ARVCF: variants seen among roughly 807,000 people sequenced by gnomAD.
ARVCF encodes the protein ARVCF delta catenin family member, also known as splicing regulator ARVCF.
A neutral mutation model predicts 90.9 loss-of-function variants in ARVCF; 66 were observed. That is an observed-to-expected ratio of 0.73 (90% confidence interval 0.60 to 0.89). The LOEUF is 0.89. Ranked by LOEUF, ARVCF falls within the 40% of genes least tolerant of loss-of-function variation. The probability of loss-of-function intolerance (pLI) is 0.00; values close to 1 mark genes in which losing one functional copy is unlikely to be tolerated. For missense variants in ARVCF, 1,469 were observed against 1,382.3 expected, an observed-to-expected ratio of 1.06 and a Z score of -1.00; for synonymous variants, 653 against 603.4, an observed-to-expected ratio of 1.08 and a Z score of -1.21.
intron 2 of ARVCF, 97 bp from the exon 3 acceptor site, chr22:19,990,909 C>A: frequency 2.5e-6 from 3 of 1,221,228 alleles, no homozygotes; most frequent in Non-Finnish European, 3.4e-6. Flanking sequence ...ATACAACTCA[C>A]TCCCAGACCA....
At chr22:20,012,767 G>A (rs1183696809) in intron 1 of ARVCF, among the ~76,000 whole-genome samples, 1 of 152,376 alleles carries the variant, frequency 6.6e-6, no homozygotes, top group East Asian at 1.9e-4. Flanking sequence ...GTTCTGGCAC[G>A]GTATCCATGG....
intron 3 of ARVCF, chr22:19,987,127 G>T (rs547166731): frequency 7.6e-4 from 391 of 512,270 alleles, no homozygotes; most frequent in African/African-American, 7.0e-3. Context: ...GGCCAGCAGC[G>T]GGGGAGGCGG....
intron 11 of ARVCF, among the ~76,000 whole-genome samples, chr22:19,975,129 C>T (rs1943077289): frequency 6.6e-6 from 1 of 152,230 alleles, no homozygotes; most frequent in Non-Finnish European, 1.5e-5. Flanking sequence ...GCCTGTAATA[C>T]TCCCCCACAG....
At position 19,973,322 on chromosome 22, in the gene ARVCF, G is replaced by C. The variant is rs1256230261; in HGVS notation, c.2240-5C>G. The C allele has an allele frequency of 6.3e-7, 1 of 1,591,116 alleles. No homozygotes were observed. The highest frequency in any genetic ancestry group is 1.1e-5 in the South Asian group (1 of 89,324). ...GCTCAGCCATGGCGTAGCTCCCTGA[G>C]GGGCAGGACTAGGTGTCAGAACACA... On this transcript the variant is annotated splice_region_variant and splice_polypyrimidine_tract_variant and intron_variant, in intron 13 of 19. Transcript: ENST00000263207.
chr22:19,972,248 A>T (rs754046547), intron 17 of ARVCF, 110 bp downstream of exon 17: 5 of 1,467,662 alleles, frequency 3.4e-6, no homozygotes, highest in South Asian at 1.2e-5. Flanking sequence ...CCTAAACCAA[A>T]TATCTCTCCT....
At chr22:19,979,450 AAGG>A in intron 6 of ARVCF, 1 of 548,168 alleles carries the variant, frequency 1.8e-6, no homozygotes, top group South Asian at 2.4e-5. Context: ...GGTGGGAACC[AAGG>A]AGGTGGGTCC....
At chr22:19,983,961 T>C (rs1008694976) in intron 3 of ARVCF, among the ~76,000 whole-genome samples, 3 of 152,226 alleles carry the variant, frequency 2.0e-5, no homozygotes, top group Non-Finnish European at 4.4e-5. Flanking sequence ...CCATCACTGC[T>C]GGGGCTGGGC....
chr22:19,990,234 T>C (rs563853068), intron 3 of ARVCF, among the ~76,000 whole-genome samples: 1 of 152,260 alleles, frequency 6.6e-6, no homozygotes, highest in East Asian at 1.9e-4. Flanking sequence ...CACCAGTGCA[T>C]GCAATGAACA....
At chr22:20,013,425 GT>G (rs960508769) in intron 1 of ARVCF, among the ~76,000 whole-genome samples, 9 of 152,112 alleles carry the variant, frequency 5.9e-5, no homozygotes, top group African/African-American at 2.2e-4. Flanking sequence ...CACCAAGCAT[GT>G]TGGGGGTACC....
downstream of ARVCF, among the ~76,000 whole-genome samples, chr22:19,966,012 G>A (rs1942371168): frequency 6.6e-6 from 1 of 152,240 alleles, no homozygotes; most frequent in South Asian, 2.1e-4. Context: ...CAGCAGCTGT[G>A]ATGTGGGTGC....
chr22:20,009,672 C>A (rs557057864), intron 2 of ARVCF, among the ~76,000 whole-genome samples: 1 of 152,342 alleles, frequency 6.6e-6, no homozygotes, highest in South Asian at 2.1e-4. Flanking sequence ...TGGATGTGAG[C>A]AGGGTATGCC....
chr22:20,015,488 T>C (rs757001630), intron 1 of ARVCF, among the ~76,000 whole-genome samples: 10 of 152,112 alleles, frequency 6.6e-5, no homozygotes, highest in South Asian at 2.1e-4. Flanking sequence ...CCAGCTCCAA[T>C]AGAGTGAGTA....
At chr22:20,009,749 G>A (rs1175271576) in intron 2 of ARVCF, among the ~76,000 whole-genome samples, 1 of 152,234 alleles carries the variant, frequency 6.6e-6, no homozygotes, top group Non-Finnish European at 1.5e-5. Context: ...ATGCTTCCCA[G>A]GCGCTATGCC....
At chr22:19,991,864 G>A (rs990569291) in intron 2 of ARVCF, among the ~76,000 whole-genome samples, 3 of 152,252 alleles carry the variant, frequency 2.0e-5, no homozygotes, top group Non-Finnish European at 2.9e-5. Flanking sequence ...GAGCATGGCC[G>A]GGTGCCCAGG....
At chr22:19,971,724 C>T (rs1047524559) in intron 18 of ARVCF, among the ~76,000 whole-genome samples, 162 bp downstream of exon 18, 5 of 152,182 alleles carry the variant, frequency 3.3e-5, no homozygotes, top group African/African-American at 9.7e-5. Context: ...TGTCAGTACC[C>T]ACAGACTGAC....
chr22:19,979,109 T>G, intron 6 of ARVCF, 29 bp from the exon 7 acceptor site: 1 of 1,597,846 alleles, frequency 6.3e-7, no homozygotes, highest in Non-Finnish European at 8.6e-7. Flanking sequence ...CAATCTGTGC[T>G]GACCATATGC....
intron 6 of ARVCF, chr22:19,979,369 T>G: frequency 1.9e-6 from 1 of 520,398 alleles, no homozygotes; most frequent in South Asian, 2.6e-5. Flanking sequence ...CCACAGGGCC[T>G]CACAGAGACA....
At chr22:19,993,706 G>A (rs903718254) in intron 2 of ARVCF, among the ~76,000 whole-genome samples, 4 of 152,232 alleles carry the variant, frequency 2.6e-5, no homozygotes, top group African/African-American at 7.2e-5. Context: ...TTACTTAGCC[G>A]CAAGGCAGGA....
chr22:19,989,055 T>C (rs527722919), intron 3 of ARVCF, among the ~76,000 whole-genome samples: 17 of 152,300 alleles, frequency 1.1e-4, no homozygotes, highest in Non-Finnish European at 1.5e-5. Flanking sequence ...AGGGTTGGAC[T>C]GAGCACACTG....
Sources: allele counts gnomAD v4.1 joint callset (sites outside exome capture counted in the v4.1 genomes callset), GRCh38; gene constraint gnomAD v4.1.1; transcripts MANE v1.5; gene names NCBI Gene and HGNC (gene_info 2026-07-23, HGNC 2026-07-21).